PPP2R2C: variants seen among roughly 807,000 people sequenced by gnomAD.
PPP2R2C encodes protein phosphatase 2, regulatory subunit B, gamma.
A neutral mutation model predicts 45.3 loss-of-function variants in PPP2R2C; 10 were observed. The observed-to-expected ratio is 0.22, with a 90% CI of 0.14 to 0.37. The LOEUF (loss-of-function observed/expected upper bound fraction) is 0.37, where lower values mean the gene tolerates loss of function less well. Among genes scored for constraint, PPP2R2C ranks in the 10% least tolerant of loss-of-function variants. The probability of loss-of-function intolerance (pLI) is 1.00; values close to 1 mark genes in which losing one functional copy is unlikely to be tolerated. For synonymous variants in PPP2R2C, 257 were observed against 245.4 expected (o/e 1.05, Z -0.44); for missense variants, 308 against 619.7 (o/e 0.50, Z 5.34).
chr4:6,367,916 CT>C (rs774576473), intron 5 of PPP2R2C, among the ~76,000 whole-genome samples: 1 of 152,242 alleles, frequency 6.6e-6, no homozygotes, highest in Non-Finnish European at 1.5e-5. Flanking sequence ...CCTATCAGGG[CT>C]GCCTCAAGCC....
At chr4:6,452,267 C>A (rs1373650010) in intron 1 of PPP2R2C, among the ~76,000 whole-genome samples, 1 of 152,172 alleles carries the variant, frequency 6.6e-6, no homozygotes, top group Non-Finnish European at 1.5e-5. Flanking sequence ...TTCCCATCAG[C>A]TCCAGATCCT....
intron 2 of PPP2R2C, among the ~76,000 whole-genome samples, chr4:6,479,856 G>A (rs543758997): frequency 1.3e-5 from 2 of 150,756 alleles, no homozygotes; most frequent in East Asian, 2.0e-4. Context: ...TGACATATTC[G>A]CTTCAGCTTT....
intron 1 of PPP2R2C, among the ~76,000 whole-genome samples, chr4:6,454,073 T>C (rs1720882997): frequency 6.6e-6 from 1 of 152,152 alleles, no homozygotes; most frequent in Non-Finnish European, 1.5e-5. Flanking sequence ...GAAAATGGCA[T>C]GGAGAGAGGG....
At chr4:6,486,802 T>C (rs181989311) in intron 2 of PPP2R2C, among the ~76,000 whole-genome samples, 20 of 152,242 alleles carry the variant, frequency 1.3e-4, no homozygotes, top group Non-Finnish European at 2.2e-4. Context: ...TCTGATCTGA[T>C]GTCTTTTTAT....
chr4:6,331,980 A>G lies in PPP2R2C; in HGVS notation c.960+1582T>C, dbSNP rs1732442979. 6.6e-6 allele frequency among the ~76,000 whole-genome samples: 1 copy of G among 152,198 alleles called. No individual in the cohort carries two copies. ...AGTTATTGCTATTATTTTAGCATCA[A>G]TAGGTCAGCTGGGCCAGATGCCAAG... On this transcript the variant is annotated intron_variant, in intron 7 of 8. Transcript: ENST00000382599. This position sits in a 1 kb window ranked among gnomAD's most constrained non-coding sequence, Gnocchi z 5.9.
intron 1 of PPP2R2C, among the ~76,000 whole-genome samples, chr4:6,553,106 G>A (rs1038436478): frequency 6.6e-6 from 1 of 152,224 alleles, no homozygotes; most frequent in African/African-American, 2.4e-5. Flanking sequence ...AAGGTGCAGG[G>A]GAAGAGAACT....
At chr4:6,553,377 C>T (rs907352242) in intron 1 of PPP2R2C, among the ~76,000 whole-genome samples, 3 of 152,230 alleles carry the variant, frequency 2.0e-5, no homozygotes, top group African/African-American at 4.8e-5. Flanking sequence ...AGAAATCCAG[C>T]GCAGTCCACT....
intron 5 of PPP2R2C, among the ~76,000 whole-genome samples, chr4:6,354,116 C>T (rs796770698): frequency 6.6e-6 from 1 of 150,928 alleles, no homozygotes; most frequent in African/African-American, 2.4e-5. Flanking sequence ...TGCCCCTCAG[C>T]CCAGGCCATC....
At chr4:6,505,564 A>C (rs963517125) in intron 2 of PPP2R2C, among the ~76,000 whole-genome samples, 4 of 152,228 alleles carry the variant, frequency 2.6e-5, no homozygotes, top group African/African-American at 9.7e-5. Context: ...TTTTCATAGT[A>C]ATGAAAAGTT....
At chr4:6,517,510 C>G (rs1180955937) in intron 2 of PPP2R2C, among the ~76,000 whole-genome samples, 1 of 152,202 alleles carries the variant, frequency 6.6e-6, no homozygotes, top group Non-Finnish European at 1.5e-5. Context: ...CCCTACACGT[C>G]AGGTGCTGCT....
At chr4:6,562,588 T>C (rs1050278307) in intron 1 of PPP2R2C, among the ~76,000 whole-genome samples, 1 of 152,002 alleles carries the variant, frequency 6.6e-6, no homozygotes. Flanking sequence ...CCCACCTCAC[T>C]GGGCCCCTGA....
upstream of PPP2R2C, among the ~76,000 whole-genome samples, chr4:6,477,498 G>A (rs887902915): frequency 7.9e-5 from 12 of 152,134 alleles, no homozygotes; most frequent in South Asian, 2.1e-4. Flanking sequence ...AGGCTGAGGC[G>A]GGTGGATCAC....
At chr4:6,531,975 AC>A (rs1724418720) in intron 2 of PPP2R2C, among the ~76,000 whole-genome samples, 1 of 152,164 alleles carries the variant, frequency 6.6e-6, no homozygotes. Flanking sequence ...GATAGAACCC[AC>A]CCAGTATGGA....
rs1418468163 is a variant in PPP2R2C, at chr4:6,378,373, G to A, written c.334+34C>T. On this transcript the variant is annotated intron_variant, in intron 3 of 8. Coordinates refer to ENST00000382599, the MANE Select transcript of PPP2R2C (RefSeq NM_020416.4). The surrounding 1 kb of genome is among the most constrained non-coding windows in gnomAD (Gnocchi z 5.2). ...CATTTGGTAGAAACATCTACGGCCT[G>A]TGCCCATGCAAGCGAGGCCGGGCAG... 1 of 1,613,834 alleles carries A rather than the reference G, an allele frequency of 6.2e-7. No homozygotes were observed. The highest frequency in any genetic ancestry group is 8.5e-7 in the Non-Finnish European group (1 of 1,180,024).
In PPP2R2C at chr4:6,472,243, C is replaced by G; in HGVS notation, c.-14G>C. 1.2e-6 allele frequency: 2 copies of G among 1,612,254 alleles called. No individual in the cohort carries two copies. Among genetic ancestry groups the G allele is most frequent in the Non-Finnish European group, 1.7e-6 (2 of 1,178,944 alleles). ...GTCCTCGCCCATTGAAGGCCGTGCCCGGTGCTCTGGGCATGCCCCGCCGCC... is the reference window on the plus strand; with the variant it reads ...GTCCTCGCCCATTGAAGGCCGTGCCGGGTGCTCTGGGCATGCCCCGCCGCC... On this transcript the variant is annotated 5_prime_UTR_variant, in exon 1 of 9. Transcript: ENST00000382599.
chr4:6,362,023 G>GGT (rs1260835519), intron 5 of PPP2R2C, among the ~76,000 whole-genome samples: 3 of 152,020 alleles, frequency 2.0e-5, no homozygotes, highest in Non-Finnish European at 4.4e-5. Flanking sequence ...AAATGTTTGG[G>GGT]GTGTGTGTGT....
upstream of PPP2R2C, among the ~76,000 whole-genome samples, chr4:6,474,799 C>T (rs1464602789): frequency 6.6e-6 from 1 of 150,852 alleles, no homozygotes; most frequent in Non-Finnish European, 1.5e-5. Flanking sequence ...CCTGGAAGCC[C>T]TCCCCCTCCA....
At chr4:6,491,743 A>G (rs1560582802) in intron 2 of PPP2R2C, among the ~76,000 whole-genome samples, 2 of 152,166 alleles carry the variant, frequency 1.3e-5, no homozygotes, top group African/African-American at 4.8e-5. Flanking sequence ...GTTTAGAGGC[A>G]TACGGCACTT....
At chr4:6,414,928 C>T (rs1332268397) in intron 1 of PPP2R2C, among the ~76,000 whole-genome samples, 1 of 152,218 alleles carries the variant, frequency 6.6e-6, no homozygotes, top group African/African-American at 2.4e-5. Flanking sequence ...GCCTGCTCCC[C>T]TTTCTCTGTG....
Sources: allele counts gnomAD v4.1 joint callset (sites outside exome capture counted in the v4.1 genomes callset), GRCh38; gene constraint gnomAD v4.1.1; non-coding constraint Gnocchi (gnomAD v3.1); transcripts MANE v1.5; gene names NCBI Gene and HGNC (gene_info 2026-07-23, HGNC 2026-07-21).